Variants in THBS4 observed in about 807,000 individuals in gnomAD.
THBS4 encodes thrombospondin-4.
In THBS4, 90 loss-of-function variants were observed where a neutral mutation model predicts 115.7. The ratio of observed to expected loss-of-function variants is 0.78; its 90% CI spans 0.66 to 0.93. THBS4 has a LOEUF of 0.93. THBS4 is among the 40% of genes least tolerant of loss of function. The pLI, the probability that THBS4 is intolerant of heterozygous loss-of-function variation, is 0.00. For synonymous variants in THBS4, 460 were observed against 479.3 expected (o/e 0.96, Z 0.53); for missense variants, 1,087 against 1,232.7 (o/e 0.88, Z 1.77).
At chr5:80,080,104 T>C (rs1273549718) in intron 20 of THBS4, 27 bp downstream of exon 20, 1 of 1,605,122 alleles carries the variant, frequency 6.2e-7, no homozygotes, top group Non-Finnish European at 8.5e-7. Context: ...TCTCCTTACC[T>C]TGCTCTAGAA....
chr5:79,997,642 A>C (rs1831822306), intron 1 of THBS4, among the ~76,000 whole-genome samples: 2 of 152,204 alleles, frequency 1.3e-5, no homozygotes, highest in African/African-American at 2.4e-5. Flanking sequence ...AGATGAATTA[A>C]ACAACAGGAT....
At chr5:80,039,019 A>C (rs755774000) in intron 1 of THBS4, among the ~76,000 whole-genome samples, 1 of 152,206 alleles carries the variant, frequency 6.6e-6, no homozygotes, top group Non-Finnish European at 1.5e-5. Flanking sequence ...ACATTTATTT[A>C]TATACTTAAT....
Position 80,076,961 on chromosome 5 carries a change from G to T in THBS4, c.1999G>T (p.Asp667Tyr). The T allele has an allele frequency of 1.2e-6, 2 of 1,613,878 alleles. No homozygotes were observed. Among genetic ancestry groups the T allele is most frequent in the Non-Finnish European group, 1.7e-6 (2 of 1,179,926 alleles). Residue 667 changes from aspartate to tyrosine, a missense_variant, in exon 16 of 22, where the codon GAT becomes TAT. Around this residue, in one of 3 missense-constraint regions of THBS4, gnomAD observed 979 missense variants for 1,103.7 expected, o/e 0.89. Coordinates refer to ENST00000350881, the MANE Select transcript of THBS4 (RefSeq NM_003248.6). ...DGIGDECDDD[D>Y]DNDGIPDLVP... ...AATTGGTGACGAGTGTGATGATGAT[G>T]ATGACAATGATGGTATCCCAGACCT... is the stretch of plus-strand genomic sequence containing the variant.
chr5:79,999,158 G>A (rs971702615), intron 2 of THBS4, among the ~76,000 whole-genome samples: 2 of 152,052 alleles, frequency 1.3e-5, no homozygotes, highest in Non-Finnish European at 1.5e-5. Context: ...ATATTAAAAC[G>A]CTTTGTTTGA....
In THBS4 at chr5:80,076,868, C is replaced by A; in HGVS notation, c.1906C>A (p.His636Asn). 6.3e-7 allele frequency: 1 copy of A among 1,590,966 alleles called. No individual in the cohort carries two copies. ...DTNQDSDGDG[H>N]QDSTDNCPTV... ...TTTCTCCTGCAGTGATGGAGATGGGCACCAGGACAGCACAGACAACTGCCC... is the reference window on the plus strand; with the variant it reads ...TTTCTCCTGCAGTGATGGAGATGGGAACCAGGACAGCACAGACAACTGCCC... The change falls in exon 16 of 22, where the codon CAC (histidine) becomes AAC (asparagine). Residue 636 changes from histidine (H) to asparagine (N), a missense_variant. Around this residue, in one of 3 missense-constraint regions of THBS4, gnomAD observed 979 missense variants for 1,103.7 expected, o/e 0.89. Transcript: ENST00000350881.
intron 2 of THBS4, among the ~76,000 whole-genome samples, chr5:80,025,250 A>T (rs1832453133): frequency 6.6e-6 from 1 of 152,240 alleles, no homozygotes; most frequent in Non-Finnish European, 1.5e-5. Flanking sequence ...TATAATAAAC[A>T]TGCATATATA....
At chr5:80,082,919 G>T (rs1363819436) in intron 21 of THBS4, among the ~76,000 whole-genome samples, 161 bp from the exon 22 acceptor site, 1 of 152,250 alleles carries the variant, frequency 6.6e-6, no homozygotes, top group Non-Finnish European at 1.5e-5. Flanking sequence ...TAAGCCAACG[G>T]TTTGCAAAGC....
chr5:80,081,850 C>T (rs1281149823), intron 20 of THBS4, among the ~76,000 whole-genome samples: 1 of 152,156 alleles, frequency 6.6e-6, no homozygotes, highest in Non-Finnish European at 1.5e-5. Flanking sequence ...GCTCGCCATC[C>T]AGCATCCCTG....
chr5:79,994,803 A>C (rs1831758413), intron 1 of THBS4, among the ~76,000 whole-genome samples: 1 of 152,250 alleles, frequency 6.6e-6, no homozygotes, highest in South Asian at 2.1e-4. Context: ...ACAGTTGATG[A>C]AACAAGGCCC....
chr5:80,062,349 A>G lies in THBS4; in HGVS notation c.1125+517A>G, dbSNP rs762165513. On this transcript the variant is annotated intron_variant, in intron 8 of 21. Transcript: ENST00000350881. ...CTTGACAGTCTCCATTTATTTCCCA[A>G]TGCTCTACTATATTCTGGTCATTAT... Among the ~76,000 whole-genome samples the G allele has an allele frequency of 5.9e-5, 9 of 152,156 alleles. No individual in the cohort carries two copies. In the East Asian group the frequency reaches 7.7e-4, roughly 13 times the overall value.
In THBS4 at chr5:80,083,114, C is replaced by G. The variant is rs1171748930; in HGVS notation, c.2859C>G (p.Thr953=). 1 of 1,613,972 alleles carries G rather than the reference C, an allele frequency of 6.2e-7. No homozygotes were observed. The highest frequency in any genetic ancestry group is 8.5e-7 in the Non-Finnish European group (1 of 1,179,868). ...CTGAGGACTTCCAAGAGTTTCAAAC[C>G]CAGAATTTCGACCGCTTCGATAATT... is the stretch of plus-strand genomic sequence containing the variant. The part of the protein sequence containing the change: ...TIPEDFQEFQ[T]QNFDRFDN Residue 953 remains threonine, a synonymous_variant, in exon 22 of 22, where the codon ACC becomes ACG. Coordinates refer to ENST00000350881, the MANE Select transcript of THBS4 (RefSeq NM_003248.6).
intron 1 of THBS4, among the ~76,000 whole-genome samples, chr5:79,995,360 C>T (rs551410150): frequency 2.0e-5 from 3 of 152,270 alleles, no homozygotes; most frequent in African/African-American, 7.2e-5. Flanking sequence ...GGTCACTTGG[C>T]ACCCTTCCGC....
chr5:80,031,733 C>G (rs1832590837), upstream of THBS4, among the ~76,000 whole-genome samples: 1 of 152,186 alleles, frequency 6.6e-6, no homozygotes, highest in Admixed American at 6.5e-5. Context: ...CTTTTTAAGC[C>G]TCTGCTTGTG....
In THBS4 at chr5:80,048,946, A is replaced by G. The variant is rs572797924; in HGVS notation, c.293-6839A>G. ...TTTAAAAAGAAGAGGAAAGATTGAC[A>G]ATGATGGCTTCCATCATATGTTTAA... is the stretch of plus-strand genomic sequence containing the variant. On this transcript the variant is annotated intron_variant, in intron 2 of 21. Transcript: ENST00000350881. Among the ~76,000 whole-genome samples the G allele has an allele frequency of 2.0e-5, 3 of 152,354 alleles. No homozygotes were observed. The South Asian group carries it at 6.2e-4, about 32-fold the overall frequency.
chr5:80,014,916 AAG>A (rs1380351760), intron 2 of THBS4, among the ~76,000 whole-genome samples: 1 of 152,224 alleles, frequency 6.6e-6, no homozygotes, highest in Non-Finnish European at 1.5e-5. Context: ...AAGGAGGAAA[AAG>A]AGTAGCACTC....
At chr5:80,050,490 C>T (rs916713090) in intron 2 of THBS4, among the ~76,000 whole-genome samples, 4 of 152,142 alleles carry the variant, frequency 2.6e-5, no homozygotes, top group Non-Finnish European at 5.9e-5. Context: ...TCAGCTGATA[C>T]ATCCAGTGCA....
chr5:80,001,010 A>C (rs576065267), intron 2 of THBS4, among the ~76,000 whole-genome samples: 4 of 152,236 alleles, frequency 2.6e-5, no homozygotes, highest in Admixed American at 2.6e-4. Context: ...CTTCGAGATA[A>C]CTTGTACCTA....
At chr5:79,998,632 A>G (rs1056193635) in intron 2 of THBS4, among the ~76,000 whole-genome samples, 2 of 152,256 alleles carry the variant, frequency 1.3e-5, no homozygotes, top group Non-Finnish European at 2.9e-5. Flanking sequence ...AATATCGTAC[A>G]ATAGTTACAG....
chr5:80,076,632 T>C (rs921526938), intron 15 of THBS4, among the ~76,000 whole-genome samples: 4 of 152,180 alleles, frequency 2.6e-5, no homozygotes, highest in Admixed American at 1.3e-4. Context: ...CCTTATCTTC[T>C]TTAGTAGGAA....
Sources: gnomAD v4.1 joint callset for allele counts (sites outside exome capture counted in the v4.1 genomes callset) on GRCh38, gnomAD v4.1.1 for gene constraint, gnomAD v4.1.1 regional missense constraint, MANE v1.5 for transcripts, NCBI Gene and HGNC (gene_info 2026-07-23, HGNC 2026-07-21) for gene names.